Variants in SPATA24 observed in about 807,000 individuals in gnomAD.
SPATA24 encodes spermatogenesis associated 24.
A neutral mutation model predicts 28.9 loss-of-function variants in SPATA24; 21 were observed. The observed-to-expected ratio is 0.73, with a 90% CI of 0.52 to 1.05. SPATA24 has a LOEUF of 1.05. Ranked by LOEUF, SPATA24 falls within the 50% of genes least tolerant of loss-of-function variation. The pLI, the probability that SPATA24 is intolerant of heterozygous loss-of-function variation, is 0.00. For synonymous variants in SPATA24, 76 were observed against 89.9 expected, an observed-to-expected ratio of 0.85 and a Z score of 0.88; for missense variants, 215 against 242.9, an observed-to-expected ratio of 0.88 and a Z score of 0.76.
downstream of SPATA24, chr5:139,393,936 C>A (rs1397020593): frequency 6.4e-7 from 1 of 1,550,922 alleles, no homozygotes; most frequent in Non-Finnish European, 8.7e-7. Flanking sequence ...TACTCGGAAC[C>A]TCCGAGGGGA....
At chr5:139,396,580 G>T (rs118179072), downstream of SPATA24, 1 of 1,373,496 alleles carries the variant, frequency 7.3e-7, no homozygotes, top group South Asian at 1.5e-5. Context: ...GGTAACCAGG[G>T]CTGTTTATAT....
downstream of SPATA24, chr5:139,394,013 G>A (rs1437705883): frequency 1.3e-6 from 2 of 1,550,650 alleles, no homozygotes; most frequent in South Asian, 1.2e-5. Flanking sequence ...CGCGGGAACC[G>A]AGTCTTCCGC....
intron 1 of SPATA24, among the ~76,000 whole-genome samples, chr5:139,403,675 G>A (rs1016781138): frequency 2.6e-5 from 4 of 152,360 alleles, no homozygotes; most frequent in Non-Finnish European, 4.4e-5. Flanking sequence ...TGAAAATGGG[G>A]AAACTGAGGC....
downstream of SPATA24, chr5:139,396,110 C>T: frequency 6.5e-6 from 6 of 918,714 alleles, no homozygotes; most frequent in Non-Finnish European, 6.5e-6. Flanking sequence ...GCACTGCCCC[C>T]TCCTGTGCAC....
At chr5:139,393,869 G>T (rs548449384), downstream of SPATA24, 13 of 1,550,236 alleles carry the variant, frequency 8.4e-6, no homozygotes, top group East Asian at 9.8e-5. Flanking sequence ...CGAGGACCCC[G>T]TACAGCCCCA....
At position 139,396,857 on chromosome 5, in the gene SPATA24, A is replaced by G; in HGVS notation, c.561T>C (p.His187=). Residue 187 remains histidine (H), a synonymous_variant, in exon 6 of 6, where the codon CAT becomes CAC. Transcript: ENST00000450845. Reference sequence around the variant, plus strand: ...CCTGACGTGTCCCTGAGGCTTTCTTATGCTTCTGGTCCAGCACCTGGGCCA... The same window carrying G: ...CCTGACGTGTCCCTGAGGCTTTCTTGTGCTTCTGGTCCAGCACCTGGGCCA... ...SYMAQVLDQK[H]KKASGTRQAR... is the part of the protein sequence containing the mutation. 3 of 1,551,658 alleles carry G rather than the reference A, an allele frequency of 1.9e-6. No homozygotes were observed. The highest frequency in any genetic ancestry group is 2.6e-6 in the Non-Finnish European group (3 of 1,146,978).
downstream of SPATA24, chr5:139,395,183 C>G (rs529100526): frequency 2.4e-6 from 3 of 1,224,622 alleles, no homozygotes; most frequent in Non-Finnish European, 3.2e-6. Context: ...GGTCACCGCG[C>G]CTTAAAGCGG....
intron 3 of SPATA24, 38 bp downstream of exon 3, chr5:139,401,877 T>C (rs752149787): frequency 6.5e-7 from 1 of 1,548,042 alleles, no homozygotes; most frequent in South Asian, 1.2e-5. Flanking sequence ...AGCAGATGCA[T>C]CCCCCAAACC....
chr5:139,400,331 A>C (rs1309519005), intron 4 of SPATA24, among the ~76,000 whole-genome samples: 2 of 130,118 alleles, frequency 1.5e-5, no homozygotes, highest in Admixed American at 1.6e-4. Flanking sequence ...TTTGAGACAG[A>C]GTTTCACTTT....
intron 4 of SPATA24, 83 bp downstream of exon 4, chr5:139,401,672 C>T: frequency 7.0e-7 from 1 of 1,432,332 alleles, no homozygotes; most frequent in Non-Finnish European, 9.6e-7. Flanking sequence ...TAGAGTGAAA[C>T]CCTGCCTTTG....
chr5:139,401,341 C>G (rs762178391), intron 4 of SPATA24: 25 of 523,836 alleles, frequency 4.8e-5, no homozygotes, highest in Non-Finnish European at 7.7e-5. Context: ...TCTGGCAATC[C>G]TAGCCCCCTG....
chr5:139,394,580 C>T (rs1281677600), downstream of SPATA24: 2 of 1,527,394 alleles, frequency 1.3e-6, no homozygotes, highest in Non-Finnish European at 1.8e-6. Flanking sequence ...AGGTAGGTGG[C>T]CCAGCGGGAG....
downstream of SPATA24, chr5:139,395,016 C>A: frequency 1.4e-6 from 2 of 1,458,434 alleles, no homozygotes; most frequent in Admixed American, 2.8e-5. Flanking sequence ...CCTGGCGCCG[C>A]GCGGGGGCCG....
chr5:139,403,805 G>T (rs1035042599), intron 1 of SPATA24, 139 bp downstream of exon 1: 3 of 704,448 alleles, frequency 4.3e-6, no homozygotes, highest in Admixed American at 2.6e-5. Context: ...CACCCCTACC[G>T]ACTGAGCCCG....
At chr5:139,394,513 TCC>T, downstream of SPATA24, 1 of 1,448,152 alleles carries the variant, frequency 6.9e-7, no homozygotes, top group Non-Finnish European at 9.0e-7. Flanking sequence ...CAGAGCCACC[TCC>T]ACACACTCGA....
chr5:139,401,660 G>A, intron 4 of SPATA24, 95 bp downstream of exon 4: 1 of 1,343,736 alleles, frequency 7.4e-7, no homozygotes, highest in Non-Finnish European at 1.0e-6. Flanking sequence ...GGGGACAGGT[G>A]TTAGAGTGAA....
At chr5:139,398,499 G>A (rs1484111612) in intron 4 of SPATA24, among the ~76,000 whole-genome samples, 2 of 152,132 alleles carry the variant, frequency 1.3e-5, no homozygotes, top group African/African-American at 4.8e-5. Flanking sequence ...CTTGAGCTCA[G>A]GAGTTGGGGG....
chr5:139,397,139 A>G lies in SPATA24; in HGVS notation c.390T>C (p.Ile130=). The G allele has an allele frequency of 6.4e-7, 1 of 1,551,584 alleles. No individual in the cohort carries two copies. The highest frequency in any genetic ancestry group is 1.2e-5 in the South Asian group (1 of 84,032). Residue 130 remains isoleucine, a synonymous_variant, in exon 5 of 6, where the codon ATT becomes ATC. Coordinates refer to ENST00000450845, the MANE Select transcript of SPATA24 (RefSeq NM_194296.2). ...KDQLITKCNE[I]ESHIIKQEDI... ...CTTCTTGCTTTATAATGTGAGACTC[A>G]ATCTCTGTGGGGGAGAGAGGCAGGG...
intron 1 of SPATA24, 80 bp from the exon 2 acceptor site, chr5:139,402,773 T>C: frequency 1.9e-6 from 2 of 1,063,694 alleles, no homozygotes; most frequent in Non-Finnish European, 2.8e-6. Flanking sequence ...CAAAAGCGGA[T>C]AACAGGATGA....
Sources: allele counts gnomAD v4.1 joint callset (sites outside exome capture counted in the v4.1 genomes callset), GRCh38; gene constraint gnomAD v4.1.1; transcripts MANE v1.5; gene names NCBI Gene and HGNC (gene_info 2026-07-23, HGNC 2026-07-21).